FARS2: variants seen among roughly 807,000 people sequenced by gnomAD.
The protein encoded by FARS2 is phenylalanyl-tRNA synthetase 2, mitochondrial.
In FARS2, 40 loss-of-function variants were observed where a neutral mutation model predicts 46.4. The ratio of observed to expected loss-of-function variants is 0.86; its 90% CI spans 0.67 to 1.12. The LOEUF (loss-of-function observed/expected upper bound fraction) is 1.12. Ranked by LOEUF, FARS2 falls within the 50% of genes most tolerant of loss-of-function variation. The probability of loss-of-function intolerance (pLI) is 0.00; values close to 1 mark genes in which losing one functional copy is unlikely to be tolerated. For synonymous variants in FARS2, 234 were observed against 214.9 expected, an observed-to-expected ratio of 1.09 and a Z score of -0.78; for missense variants, 513 against 567.9, an observed-to-expected ratio of 0.90 and a Z score of 0.98.
In FARS2 at chr6:5,608,427, C is replaced by G. The variant is rs1291401017; in HGVS notation, c.1066-4742C>G. On this transcript the variant is annotated intron_variant, in intron 5 of 6. Transcript: ENST00000274680. ...AAGTTTTCTGTTTTGAGTGAAATAT[C>G]CATTTAATCAAAGTTTCCAAGTTCA... 5.9e-5 allele frequency among the ~76,000 whole-genome samples: 9 copies of G among 152,114 alleles called. 1 individual carries two copies. Among genetic ancestry groups the G allele is most frequent in the Non-Finnish European group, 1.3e-4 (9 of 68,012 alleles).
At chr6:5,575,848 A>T (rs1383614014) in intron 5 of FARS2, among the ~76,000 whole-genome samples, 1 of 152,190 alleles carries the variant, frequency 6.6e-6, no homozygotes, top group African/African-American at 2.4e-5. Flanking sequence ...TCTGTTTTAT[A>T]CAATTTTTTG....
At chr6:5,569,163 G>A (rs1250955951) in intron 5 of FARS2, among the ~76,000 whole-genome samples, 1 of 151,924 alleles carries the variant, frequency 6.6e-6, no homozygotes, top group Non-Finnish European at 1.5e-5. Flanking sequence ...CTGGGTAGAT[G>A]AGAAACAGGA....
At chr6:5,741,267 G>A (rs1460172311) in intron 6 of FARS2, among the ~76,000 whole-genome samples, 2 of 152,208 alleles carry the variant, frequency 1.3e-5, no homozygotes, top group Non-Finnish European at 2.9e-5. Flanking sequence ...TGGGCCCACA[G>A]TTGTACAGAG....
chr6:5,523,595 C>T (rs1040538285), intron 4 of FARS2, among the ~76,000 whole-genome samples: 3 of 152,120 alleles, frequency 2.0e-5, no homozygotes, highest in Admixed American at 2.0e-4. Flanking sequence ...GCGGTCGGCT[C>T]AGCCGCTGCA....
chr6:5,648,469 C>T (rs1777185790), intron 6 of FARS2, among the ~76,000 whole-genome samples: 1 of 152,182 alleles, frequency 6.6e-6, no homozygotes, highest in African/African-American at 2.4e-5. Context: ...GAGTGGGACC[C>T]AAAGGGGGCC....
At chr6:5,435,736 A>G (rs958690241) in intron 4 of FARS2, among the ~76,000 whole-genome samples, 3 of 152,206 alleles carry the variant, frequency 2.0e-5, no homozygotes, top group African/African-American at 7.2e-5. Context: ...TGGGACAACT[A>G]TGAGCCGTGA....
chr6:5,737,952 G>C (rs1442380410), intron 6 of FARS2, among the ~76,000 whole-genome samples: 3 of 152,058 alleles, frequency 2.0e-5, no homozygotes, highest in East Asian at 3.9e-4. Flanking sequence ...TATTATTCTT[G>C]TTGTTGTTGT....
intron 4 of FARS2, among the ~76,000 whole-genome samples, chr6:5,516,039 A>G (rs73356354): frequency 0.11 from 16,936 of 152,204 alleles, 1,010 homozygotes; most frequent in Middle Eastern, 0.16. Context: ...CAACGAGGTT[A>G]TGTCTTGTTC....
intron 4 of FARS2, chr6:5,451,944 C>T (rs1341001233): frequency 6.6e-6 from 1 of 152,230 alleles, no homozygotes; most frequent in African/African-American, 2.4e-5. Context: ...AAACACCTAT[C>T]ACATATCATC....
chr6:5,264,293 C>G (rs373938817), intron 1 of FARS2, among the ~76,000 whole-genome samples: 5 of 152,060 alleles, frequency 3.3e-5, no homozygotes, highest in Non-Finnish European at 7.4e-5. Context: ...TTATTCTATT[C>G]TACACCACAC....
Position 5,693,682 on chromosome 6 carries a change from G to T in FARS2, c.1218-77609G>T, listed in dbSNP as rs556742006. ...TCTGTGATGCTGGGGCCTTGTCTGG[G>T]AAGACTCGAAGACTGGGAGTGACTG... On this transcript the variant is annotated intron_variant, in intron 6 of 6. Coordinates refer to ENST00000274680, the MANE Select transcript of FARS2 (RefSeq NM_006567.5). 2.0e-5 allele frequency among the ~76,000 whole-genome samples: 3 copies of T among 152,310 alleles called. No homozygotes were observed. In the East Asian group the frequency reaches 5.8e-4, roughly 29 times the overall value.
intron 4 of FARS2, among the ~76,000 whole-genome samples, chr6:5,455,510 T>C (rs1192337363): frequency 1.3e-5 from 2 of 152,174 alleles, no homozygotes; most frequent in Non-Finnish European, 2.9e-5. Context: ...GAGTGTTGCT[T>C]TCATTTCATT....
At chr6:5,588,580 A>C (rs1345232406) in intron 5 of FARS2, among the ~76,000 whole-genome samples, 3 of 151,710 alleles carry the variant, frequency 2.0e-5, no homozygotes, top group Non-Finnish European at 4.4e-5. Flanking sequence ...CTTTTCTTTG[A>C]CCTCTGCCCT....
At chr6:5,476,015 G>A (rs1214821516) in intron 4 of FARS2, among the ~76,000 whole-genome samples, 2 of 152,152 alleles carry the variant, frequency 1.3e-5, no homozygotes, top group Non-Finnish European at 1.5e-5. Flanking sequence ...GTTCATTCAT[G>A]GCATGTGACC....
chr6:5,609,574 G>A (rs1156984487), intron 5 of FARS2: 19 of 1,283,816 alleles, frequency 1.5e-5, no homozygotes, highest in East Asian at 6.9e-5. Flanking sequence ...CCACCTCCAC[G>A]ACCACCACCA....
intron 6 of FARS2, among the ~76,000 whole-genome samples, chr6:5,706,588 G>T (rs193108549): frequency 6.6e-6 from 1 of 152,070 alleles, no homozygotes; most frequent in Non-Finnish European, 1.5e-5. Context: ...TTTTAAACTC[G>T]TGGCTACATC....
intron 6 of FARS2, among the ~76,000 whole-genome samples, chr6:5,660,928 G>A (rs1426357502): frequency 1.3e-5 from 2 of 152,176 alleles, no homozygotes; most frequent in African/African-American, 4.8e-5. Context: ...GAAGCCCCTG[G>A]AATGTTTTAA....
At chr6:5,416,679 T>C (rs1437180257) in intron 3 of FARS2, among the ~76,000 whole-genome samples, 2 of 152,242 alleles carry the variant, frequency 1.3e-5, no homozygotes, top group African/African-American at 4.8e-5. Flanking sequence ...TTTCTATGAG[T>C]AACATTTTTT....
Position 5,266,666 on chromosome 6 carries a change from G to C in FARS2, c.-22+5006G>C, listed in dbSNP as rs74821327. The stretch of plus-strand genomic sequence containing the variant: ...AAGTACCAGCTTCAGGAATTGGAAG[G>C]TTATTGATTTTTCTTGGATAACATG... On this transcript the variant is annotated intron_variant, in intron 1 of 6. Transcript: ENST00000274680. Among the ~76,000 whole-genome samples the C allele has an allele frequency of 5.5e-3, 839 of 152,236 alleles. 6 individuals are homozygous for C. Among genetic ancestry groups the C allele is most frequent in the Non-Finnish European group, 8.6e-3 (586 of 68,002 alleles).
Sources: gnomAD v4.1 joint callset for allele counts (sites outside exome capture counted in the v4.1 genomes callset) on GRCh38, gnomAD v4.1.1 for gene constraint, MANE v1.5 for transcripts, NCBI Gene and HGNC (gene_info 2026-07-23, HGNC 2026-07-21) for gene names.